ATP8A1: variants seen among roughly 807,000 people sequenced by gnomAD.
The protein encoded by ATP8A1 is phospholipid-transporting ATPase IA.
A neutral mutation model predicts 177.7 loss-of-function variants in ATP8A1; 90 were observed. The ratio of observed to expected loss-of-function variants is 0.51; its 90% CI spans 0.43 to 0.60. The LOEUF is 0.60. Ranked by LOEUF, ATP8A1 falls within the 20% of genes least tolerant of loss-of-function variation. The pLI is 0.00. For synonymous variants in ATP8A1, 493 were observed against 485.9 expected (o/e 1.01, Z -0.19); for missense variants, 1,072 against 1,392.8 (o/e 0.77, Z 3.67).
At chr4:42,633,674 C>T (rs1738980940) in intron 1 of ATP8A1, among the ~76,000 whole-genome samples, 1 of 152,126 alleles carries the variant, frequency 6.6e-6, no homozygotes, top group Non-Finnish European at 1.5e-5. Context: ...AGTATCTTAC[C>T]TCAAAGGGTG....
At chr4:42,511,760 G>C (rs1364467770) in intron 22 of ATP8A1, among the ~76,000 whole-genome samples, 2 of 152,072 alleles carry the variant, frequency 1.3e-5, no homozygotes, top group Non-Finnish European at 2.9e-5. Flanking sequence ...GCTAAATAAT[G>C]GAACCTCAAA....
At chr4:42,611,366 G>A (rs1736352117) in intron 5 of ATP8A1, among the ~76,000 whole-genome samples, 3 of 151,974 alleles carry the variant, frequency 2.0e-5, no homozygotes, top group Admixed American at 2.0e-4. Flanking sequence ...TTATTCTAAT[G>A]CTTAGTATCA....
intron 20 of ATP8A1, among the ~76,000 whole-genome samples, chr4:42,526,720 T>C (rs923605921): frequency 5.3e-5 from 8 of 152,126 alleles, no homozygotes; most frequent in African/African-American, 1.9e-4. Flanking sequence ...TTTATATATA[T>C]GTATTTATTC....
chr4:42,549,261 A>G (rs573585731), intron 18 of ATP8A1, among the ~76,000 whole-genome samples, 199 bp from the exon 19 acceptor site: 2 of 152,204 alleles, frequency 1.3e-5, no homozygotes, highest in African/African-American at 4.8e-5. Flanking sequence ...GAGAAAACCA[A>G]AAGGAAAACC....
intron 24 of ATP8A1, among the ~76,000 whole-genome samples, 161 bp downstream of exon 24, chr4:42,503,289 A>C (rs1724033858): frequency 6.6e-6 from 1 of 152,230 alleles, no homozygotes; most frequent in African/African-American, 2.4e-5. Flanking sequence ...AATTTACATC[A>C]ATGTGACTCA....
At chr4:42,474,815 A>G (rs1269439996) in intron 25 of ATP8A1, among the ~76,000 whole-genome samples, 2 of 152,182 alleles carry the variant, frequency 1.3e-5, no homozygotes, top group Non-Finnish European at 2.9e-5. Context: ...TGTTAGAAAC[A>G]ATAGGGGAAA....
intron 19 of ATP8A1, among the ~76,000 whole-genome samples, chr4:42,547,422 G>A (rs1729038551): frequency 6.6e-6 from 1 of 152,104 alleles, no homozygotes; most frequent in African/African-American, 2.4e-5. Context: ...CTTTTCTCAT[G>A]TTCATTCTTA....
At chr4:42,656,791 C>G in intron 1 of ATP8A1, 34 bp downstream of exon 1, 3 of 1,530,146 alleles carry the variant, frequency 2.0e-6, no homozygotes, top group Admixed American at 1.9e-5. Flanking sequence ...GCTTCCCGAC[C>G]CCGGGCTAGC....
chr4:42,622,646 T>C (rs1327883655), intron 4 of ATP8A1, among the ~76,000 whole-genome samples: 1 of 152,040 alleles, frequency 6.6e-6, no homozygotes, highest in Non-Finnish European at 1.5e-5. Context: ...AAACTATGCA[T>C]CTGACAAAGG....
At position 42,594,195 on chromosome 4, in the gene ATP8A1, C is replaced by T. The variant is rs562693892; in HGVS notation, c.451-3311G>A. ...ATTATTAGAGAGGTTTTAAATTCTT[C>T]GTTTATTCCTTATTTCCTTGGAGAA... On this transcript the variant is annotated intron_variant, in intron 6 of 36. Transcript: ENST00000381668. The T allele has an allele frequency of 3.5e-5, 23 of 664,778 alleles. No homozygotes were observed. The East Asian group carries it at 4.5e-4, about 13-fold the overall frequency. The allele number at this position is 664,778 out of a possible 1,614,324, so 41.2% of individuals were successfully genotyped here.
chr4:42,642,724 A>C (rs1455009373), intron 1 of ATP8A1, among the ~76,000 whole-genome samples: 1 of 152,210 alleles, frequency 6.6e-6, no homozygotes, highest in Non-Finnish European at 1.5e-5. Context: ...TCCATGCAGT[A>C]AGTACCTCCT....
intron 35 of ATP8A1, among the ~76,000 whole-genome samples, chr4:42,417,733 G>A (rs1002419745): frequency 2.6e-5 from 4 of 152,164 alleles, no homozygotes; most frequent in African/African-American, 7.2e-5. Context: ...AGCTATTTAG[G>A]TTGACTCATT....
At chr4:42,618,086 C>T (rs1344489346) in intron 4 of ATP8A1, among the ~76,000 whole-genome samples, 1 of 152,178 alleles carries the variant, frequency 6.6e-6, no homozygotes, top group Non-Finnish European at 1.5e-5. Flanking sequence ...AGATTGACAG[C>T]ACACGAATAA....
chr4:42,451,700 T>A (rs1483390673), intron 30 of ATP8A1, among the ~76,000 whole-genome samples: 1 of 152,098 alleles, frequency 6.6e-6, no homozygotes, highest in Non-Finnish European at 1.5e-5. Context: ...GTCCTCAAAC[T>A]ATACATCAAC....
chr4:42,622,831 G>C (rs981236991), intron 4 of ATP8A1, among the ~76,000 whole-genome samples: 1 of 152,082 alleles, frequency 6.6e-6, no homozygotes, highest in Non-Finnish European at 1.5e-5. Flanking sequence ...CCAACATGAA[G>C]AAACCCTGTC....
chr4:42,489,151 G>T (rs1039391449), intron 24 of ATP8A1, among the ~76,000 whole-genome samples: 1 of 152,144 alleles, frequency 6.6e-6, no homozygotes, highest in Non-Finnish European at 1.5e-5. Flanking sequence ...AAAAGCCTCT[G>T]TATTTTCTTT....
Position 42,412,109 on chromosome 4 carries a change from C to T in ATP8A1, c.*807G>A, listed in dbSNP as rs1177588365. On this transcript the variant is annotated 3_prime_UTR_variant, in exon 37 of 37. Coordinates refer to ENST00000381668, the MANE Select transcript of ATP8A1 (RefSeq NM_006095.2). ...CTTCATCAGAAATACCTGAAACATACATAGTTTGAAAAATCAGTGTCATAA... is the reference window on the plus strand; with the variant it reads ...CTTCATCAGAAATACCTGAAACATATATAGTTTGAAAAATCAGTGTCATAA... 1 of 152,134 alleles carries T rather than the reference C, an allele frequency of 6.6e-6. No individual in the cohort carries two copies. Among genetic ancestry groups the T allele is most frequent in the East Asian group, 1.9e-4 (1 of 5,198 alleles). The allele number at this position is 152,134 out of a possible 1,614,324, so 9.4% of individuals were successfully genotyped here.
chr4:42,537,409 C>A (rs955242040), intron 20 of ATP8A1, among the ~76,000 whole-genome samples: 4 of 151,468 alleles, frequency 2.6e-5, no homozygotes, highest in African/African-American at 9.7e-5. Flanking sequence ...TACGGAAGTT[C>A]TAGCCAGAGC....
At chr4:42,654,294 T>G (rs572163270) in intron 1 of ATP8A1, among the ~76,000 whole-genome samples, 1 of 152,318 alleles carries the variant, frequency 6.6e-6, no homozygotes, top group African/African-American at 2.4e-5. Flanking sequence ...CCTCTTAGAC[T>G]ATTTATTCCC....
Sources: gnomAD v4.1 joint callset for allele counts (sites outside exome capture counted in the v4.1 genomes callset) on GRCh38, gnomAD v4.1.1 for gene constraint, MANE v1.5 for transcripts, NCBI Gene and HGNC (gene_info 2026-07-23, HGNC 2026-07-21) for gene names.